The following LRRC20 variants were observed in gnomAD, a reference collection of about 807,000 sequenced individuals.
LRRC20 encodes leucine rich repeat containing 20, also known as leucine-rich repeat-containing protein 20.
A neutral mutation model predicts 14.4 loss-of-function variants in LRRC20; 11 were observed. The observed-to-expected ratio is 0.77, with a 90% CI of 0.48 to 1.27. The LOEUF is 1.27. LRRC20 is among the 50% of genes most tolerant of loss of function. The pLI is 0.00. For missense variants in LRRC20, 219 were observed against 251.2 expected (o/e 0.87, Z 0.87); for synonymous variants, 121 against 107.3 (o/e 1.13, Z -0.79).
At chr10:70,305,544 A>C (rs1189835007) in intron 4 of LRRC20, among the ~76,000 whole-genome samples, 2 of 152,314 alleles carry the variant, frequency 1.3e-5, no homozygotes, top group East Asian at 3.9e-4. Flanking sequence ...AGCATGGGCC[A>C]CGTTTTTATT....
At chr10:70,312,402 C>T (rs550980621) in intron 4 of LRRC20, among the ~76,000 whole-genome samples, 16 of 152,304 alleles carry the variant, frequency 1.1e-4, no homozygotes, top group African/African-American at 3.9e-4. Flanking sequence ...GACCACTCCA[C>T]CACACCCTTC....
intron 2 of LRRC20, among the ~76,000 whole-genome samples, chr10:70,347,530 A>G (rs1326546605): frequency 1.3e-5 from 2 of 152,100 alleles, no homozygotes; most frequent in East Asian, 3.9e-4. Context: ...TTTAGGCAAC[A>G]TACAAGTGCC....
At chr10:70,367,936 G>A (rs1844077065) in intron 2 of LRRC20, among the ~76,000 whole-genome samples, 1 of 16,398 alleles carries the variant, frequency 6.1e-5, no homozygotes, top group Admixed American at 5.1e-4. Context: ...TCACAGCTCT[G>A]GAGTATTGCC....
At chr10:70,375,599 T>C (rs1452520705) in intron 2 of LRRC20, among the ~76,000 whole-genome samples, 1 of 152,174 alleles carries the variant, frequency 6.6e-6, no homozygotes, top group Non-Finnish European at 1.5e-5. Context: ...CACCCCTACC[T>C]GCCTGTGAAA....
At chr10:70,339,068 C>T (rs1248803725) in intron 3 of LRRC20, among the ~76,000 whole-genome samples, 2 of 152,154 alleles carry the variant, frequency 1.3e-5, no homozygotes, top group Admixed American at 6.5e-5. Context: ...AACTGCTTGA[C>T]CTGTCTACAC....
intron 4 of LRRC20, among the ~76,000 whole-genome samples, chr10:70,309,014 A>G (rs1053660487): frequency 6.6e-5 from 10 of 152,064 alleles, no homozygotes; most frequent in African/African-American, 2.2e-4. Context: ...CCCTATTAAT[A>G]ATGGCTGGGA....
intron 4 of LRRC20, among the ~76,000 whole-genome samples, chr10:70,323,549 G>T (rs1746170109): frequency 6.6e-6 from 1 of 152,220 alleles, no homozygotes; most frequent in African/African-American, 2.4e-5. Flanking sequence ...CGAAGGGTCT[G>T]AGACCGCCTA....
chr10:70,354,395 G>A (rs1019283577), intron 2 of LRRC20, among the ~76,000 whole-genome samples: 4 of 152,122 alleles, frequency 2.6e-5, no homozygotes, highest in Admixed American at 6.5e-5. Flanking sequence ...CAGGTCCAAG[G>A]ACCACACTAA....
chr10:70,372,600 C>T (rs1004113682), intron 2 of LRRC20, among the ~76,000 whole-genome samples: 1 of 151,922 alleles, frequency 6.6e-6, no homozygotes, highest in African/African-American at 2.4e-5. Flanking sequence ...CGCCACCACG[C>T]CCGGCTAATT....
intron 2 of LRRC20, among the ~76,000 whole-genome samples, chr10:70,371,504 C>T (rs1011641261): frequency 6.6e-6 from 1 of 152,032 alleles, no homozygotes; most frequent in Non-Finnish European, 1.5e-5. Flanking sequence ...ATGCACACTG[C>T]AGAGCCAGGA....
intron 3 of LRRC20, among the ~76,000 whole-genome samples, chr10:70,327,712 C>T (rs1437779685): frequency 1.3e-5 from 2 of 152,188 alleles, no homozygotes; most frequent in Non-Finnish European, 2.9e-5. Flanking sequence ...CCATTACCAT[C>T]AATTTACAAA....
At chr10:70,313,381 G>A (rs530261360) in intron 4 of LRRC20, among the ~76,000 whole-genome samples, 1 of 152,202 alleles carries the variant, frequency 6.6e-6, no homozygotes, top group South Asian at 2.1e-4. Context: ...TGTGTTCCCT[G>A]CCTCAGAATT....
intron 3 of LRRC20, among the ~76,000 whole-genome samples, chr10:70,329,890 C>T (rs929467855): frequency 2.0e-5 from 3 of 152,174 alleles, no homozygotes; most frequent in African/African-American, 7.2e-5. Flanking sequence ...ATAGATTACA[C>T]TGATTGATTT....
chr10:70,371,679 A>G (rs923801780), intron 2 of LRRC20, among the ~76,000 whole-genome samples: 18 of 152,070 alleles, frequency 1.2e-4, no homozygotes, highest in African/African-American at 4.1e-4. Flanking sequence ...GAAGCAGACT[A>G]CCTAAGGGGC....
At chr10:70,316,335 A>G (rs531351373) in intron 4 of LRRC20, among the ~76,000 whole-genome samples, 169 of 152,216 alleles carry the variant, frequency 1.1e-3, no homozygotes, top group Middle Eastern at 0.01. Flanking sequence ...GTTTCACCAC[A>G]TCGGCCAGGC....
intron 2 of LRRC20, among the ~76,000 whole-genome samples, chr10:70,358,432 G>A (rs547962838): frequency 6.6e-5 from 10 of 152,272 alleles, no homozygotes; most frequent in South Asian, 6.2e-4. Flanking sequence ...TCTCCTCCTC[G>A]GACAATCTTT....
chr10:70,330,397 G>A (rs183361116), intron 3 of LRRC20, among the ~76,000 whole-genome samples: 37 of 150,454 alleles, frequency 2.5e-4, no homozygotes, highest in African/African-American at 6.8e-4. Context: ...TAAGAATAAA[G>A]TTGTTTATAA....
intron 2 of LRRC20, among the ~76,000 whole-genome samples, chr10:70,354,380 C>T (rs547361487): frequency 6.6e-6 from 1 of 152,268 alleles, no homozygotes; most frequent in East Asian, 1.9e-4. Flanking sequence ...TGCATTTCCA[C>T]CCAGCAGGTC....
At chr10:70,364,835 G>A (rs1456051093) in intron 2 of LRRC20, among the ~76,000 whole-genome samples, 1 of 152,170 alleles carries the variant, frequency 6.6e-6, no homozygotes, top group Admixed American at 6.5e-5. Context: ...TCCCTCCCCA[G>A]GAGCACATCA....
Sources: gnomAD v4.1 joint callset for allele counts (sites outside exome capture counted in the v4.1 genomes callset) on GRCh38, gnomAD v4.1.1 for gene constraint, MANE v1.5 for transcripts, NCBI Gene and HGNC (gene_info 2026-07-23, HGNC 2026-07-21) for gene names.